Variants in CEP164 observed in about 807,000 individuals in gnomAD.
The protein encoded by CEP164 is centrosomal protein of 164 kDa.
A neutral mutation model predicts 182.7 loss-of-function variants in CEP164; 162 were observed. The ratio of observed to expected loss-of-function variants is 0.89; its 90% confidence interval spans 0.78 to 1.01. The LOEUF (loss-of-function observed/expected upper bound fraction) is 1.01, where lower values mean the gene tolerates loss of function less well. Ranked by LOEUF, CEP164 falls within the 50% of genes least tolerant of loss-of-function variation. CEP164 has a pLI of 0.00. For missense variants in CEP164, 1,735 were observed against 1,790.4 expected (o/e 0.97, Z 0.56); for synonymous variants, 661 against 690.0 (o/e 0.96, Z 0.66).
intron 4 of CEP164, among the ~76,000 whole-genome samples, chr11:117,348,015 G>A (rs1232342737): frequency 6.6e-6 from 1 of 152,044 alleles, no homozygotes; most frequent in Non-Finnish European, 1.5e-5. Context: ...TGTCGCCCAG[G>A]CTGGAGTACA....
At position 117,412,439 on chromosome 11, in the gene CEP164, C is replaced by T. The variant is rs981718364; in HGVS notation, c.*271C>T. ...TGCGGTGGCTGCGGGGTATCAGGGC[C>T]GGGAGCCCTTTGGGAGGAAGGGAGG... is the stretch of plus-strand genomic sequence containing the variant. On this transcript the variant is annotated 3_prime_UTR_variant, in exon 33 of 33. Transcript: ENST00000278935. The T allele has an allele frequency of 5.8e-5, 19 of 330,298 alleles. No individual in the cohort carries two copies. Among genetic ancestry groups the T allele is most frequent in the Admixed American group, 4.6e-4 (10 of 21,596 alleles). The allele number at this position is 330,298 out of a possible 1,614,324, so 20.5% of individuals were successfully genotyped here. A position where few individuals can be genotyped will look rare whatever the true frequency, so the allele number is the denominator to read the frequency against.
At chr11:117,343,546 T>G (rs112943042) in intron 3 of CEP164, among the ~76,000 whole-genome samples, 7 of 152,318 alleles carry the variant, frequency 4.6e-5, no homozygotes, top group African/African-American at 1.7e-4. Flanking sequence ...GTGCTCATCC[T>G]GGATGGTTCT....
At chr11:117,397,829 T>A (rs762724290) in intron 27 of CEP164, among the ~76,000 whole-genome samples, 2 of 152,130 alleles carry the variant, frequency 1.3e-5, no homozygotes, top group African/African-American at 2.4e-5. Context: ...GGGAGTACAA[T>A]TCAAGATGAG....
chr11:117,373,965 G>T, intron 10 of CEP164, 134 bp downstream of exon 10: 1 of 675,146 alleles, frequency 1.5e-6, no homozygotes, highest in Non-Finnish European at 2.6e-6. Context: ...GTCTTGTCTA[G>T]CTCCAGTTTC....
upstream of CEP164, among the ~76,000 whole-genome samples, chr11:117,327,527 C>G (rs2035528353): frequency 1.3e-5 from 2 of 148,564 alleles, no homozygotes; most frequent in African/African-American, 5.0e-5. Flanking sequence ...GTCTCGAACT[C>G]CTGACCTCAG....
At chr11:117,374,684 C>G (rs1439357486) in intron 10 of CEP164, among the ~76,000 whole-genome samples, 1 of 152,252 alleles carries the variant, frequency 6.6e-6, no homozygotes, top group African/African-American at 2.4e-5. Flanking sequence ...TTGGCAAAAA[C>G]TGTCCATGAA....
intron 27 of CEP164, among the ~76,000 whole-genome samples, chr11:117,399,969 G>A (rs1174852341): frequency 1.3e-5 from 2 of 152,122 alleles, no homozygotes; most frequent in African/African-American, 2.4e-5. Flanking sequence ...TTCTTTTGCT[G>A]TGCAGAAGCT....
At chr11:117,368,951 A>G (rs1451061032) in intron 8 of CEP164, among the ~76,000 whole-genome samples, 1 of 152,060 alleles carries the variant, frequency 6.6e-6, no homozygotes, top group Non-Finnish European at 1.5e-5. Flanking sequence ...TCCCTTCTGC[A>G]CTTCTTTCTG....
At position 117,373,774 on chromosome 11, in the gene CEP164, G is replaced by C; in HGVS notation, c.1176G>C (p.Met392Ile). Residue 392 changes from methionine to isoleucine, a missense_variant, in exon 10 of 33, where the codon ATG (methionine) becomes ATC (isoleucine). By Grantham distance (10) the Met-to-Ile change is conservative (BLOSUM62 1). Coordinates refer to ENST00000278935, the MANE Select transcript of CEP164 (RefSeq NM_014956.5). ...AGGAACTGGAAATTAGTGAACACAT[G>C]AAGGAACCACAGCTCTCAGACTCCA... ...ASQELEISEH[M>I]KEPQLSDSIA... The C allele has an allele frequency of 6.2e-7, 1 of 1,614,186 alleles. No homozygotes were observed. The highest frequency in any genetic ancestry group is 1.3e-5 in the African/African-American group (1 of 75,066).
intron 9 of CEP164, among the ~76,000 whole-genome samples, chr11:117,371,960 C>G (rs2042242655): frequency 6.6e-6 from 1 of 151,952 alleles, no homozygotes; most frequent in South Asian, 2.1e-4. Flanking sequence ...ATTACCTCAG[C>G]CTCTTGAGTA....
intron 14 of CEP164, 128 bp from the exon 15 acceptor site, chr11:117,387,075 T>C: frequency 1.2e-6 from 1 of 823,466 alleles, no homozygotes; most frequent in South Asian, 1.6e-5. Context: ...TTGGGTGACC[T>C]CTTTGACTCC....
chr11:117,372,349 G>T (rs1402300434), intron 9 of CEP164, among the ~76,000 whole-genome samples: 22 of 151,932 alleles, frequency 1.4e-4, no homozygotes, highest in Admixed American at 1.4e-3. Context: ...GCTCAACCTC[G>T]ATCTGCCCGC....
At chr11:117,347,590 AT>A (rs35164885) in intron 4 of CEP164, among the ~76,000 whole-genome samples, 6,549 of 152,140 alleles carry the variant, frequency 0.043, 185 homozygotes, top group Non-Finnish European at 0.051. Context: ...CATGCCTGTA[AT>A]CCCAGCTACT....
chr11:117,367,017 G>A (rs1029373907), intron 8 of CEP164, among the ~76,000 whole-genome samples: 1 of 152,240 alleles, frequency 6.6e-6, no homozygotes, highest in African/African-American at 2.4e-5. Context: ...GGAGACAGAA[G>A]GAATGTGAGC....
intron 4 of CEP164, among the ~76,000 whole-genome samples, chr11:117,347,676 C>A (rs2039086078): frequency 6.6e-6 from 1 of 151,200 alleles, no homozygotes; most frequent in Admixed American, 6.6e-5. Flanking sequence ...TGCCATTGCA[C>A]TCCAGCCTGG....
chr11:117,349,325 C>G (rs1389610075), intron 4 of CEP164, among the ~76,000 whole-genome samples: 1 of 152,088 alleles, frequency 6.6e-6, no homozygotes, highest in African/African-American at 2.4e-5. Context: ...ATTTATCTAT[C>G]AATGGACATT....
intron 1 of CEP164, among the ~76,000 whole-genome samples, chr11:117,335,259 A>G (rs1460573262): frequency 6.6e-6 from 1 of 152,146 alleles, no homozygotes; most frequent in African/African-American, 2.4e-5. Context: ...GGTTGGGAGC[A>G]CATTCCCACT....
chr11:117,377,172 T>C (rs1287144637), intron 11 of CEP164, among the ~76,000 whole-genome samples: 1 of 117,742 alleles, frequency 8.5e-6, no homozygotes, highest in Non-Finnish European at 1.7e-5. Context: ...ACCAGTTTCT[T>C]GGAAGACAGT....
At chr11:117,329,972 A>G (rs904288060) in intron 1 of CEP164, among the ~76,000 whole-genome samples, 4 of 151,636 alleles carry the variant, frequency 2.6e-5, no homozygotes, top group Admixed American at 6.6e-5. Flanking sequence ...TTCCTGTAAC[A>G]TAGGAAGTGT....
Sources: gnomAD v4.1 joint callset for allele counts (sites outside exome capture counted in the v4.1 genomes callset) on GRCh38, gnomAD v4.1.1 for gene constraint, MANE v1.5 for transcripts, NCBI Gene and HGNC (gene_info 2026-07-23, HGNC 2026-07-21) for gene names.